The following SLC35F3 variants were observed in gnomAD, a reference collection of about 807,000 sequenced individuals.
The protein encoded by SLC35F3 is solute carrier family 35 member F3.
A neutral mutation model predicts 49.9 loss-of-function variants in SLC35F3; 25 were observed. That is an observed-to-expected ratio of 0.50 (90% CI 0.37 to 0.70). SLC35F3 has a LOEUF of 0.70. SLC35F3 is among the 30% of genes least tolerant of loss of function. The probability of loss-of-function intolerance (pLI) is 0.00; values close to 1 mark genes in which losing one functional copy is unlikely to be tolerated. For synonymous variants in SLC35F3, 275 were observed against 265.4 expected (o/e 1.04, Z -0.35); for missense variants, 525 against 639.8 (o/e 0.82, Z 1.94).
chr1:234,242,511 C>T (rs1667569244), intron 3 of SLC35F3, among the ~76,000 whole-genome samples: 1 of 152,202 alleles, frequency 6.6e-6, no homozygotes, highest in South Asian at 2.1e-4. Flanking sequence ...GGCCACACCT[C>T]ATACTGTCTA....
At chr1:234,146,794 A>T (rs543111814) in intron 2 of SLC35F3, among the ~76,000 whole-genome samples, 1 of 152,236 alleles carries the variant, frequency 6.6e-6, no homozygotes, top group African/African-American at 2.4e-5. Context: ...GATTACAGGC[A>T]TGAGCCACCG....
intron 3 of SLC35F3, among the ~76,000 whole-genome samples, chr1:234,277,521 C>T (rs1302610589): frequency 6.6e-6 from 1 of 152,196 alleles, no homozygotes; most frequent in Non-Finnish European, 1.5e-5. Flanking sequence ...AAAACGTTTT[C>T]TACATTTCTG....
chr1:234,219,182 G>A (rs1219663960), intron 2 of SLC35F3, among the ~76,000 whole-genome samples: 2 of 152,020 alleles, frequency 1.3e-5, no homozygotes, highest in Non-Finnish European at 2.9e-5. Flanking sequence ...TCCTTTGGGA[G>A]TGTTGGGTGA....
Position 234,066,734 on chromosome 1 carries a change from CCTTTCTCTCT to C in SLC35F3, c.283+160986_283+160995del, listed in dbSNP as rs1476765139. On this transcript the variant is annotated intron_variant, in intron 2 of 7. Coordinates refer to ENST00000366618, the MANE Select transcript of SLC35F3 (RefSeq NM_173508.4). ...GTCTCTCTCTCTCTTTCCCTCCCTC[CCTTTCTCTCT>C]CTTTCTCTCCCTCTCTCTCTCTTTC... Among the ~76,000 whole-genome samples the C allele has an allele frequency of 2.0e-5, 3 of 150,626 alleles. No homozygotes were observed. In the South Asian group the frequency reaches 6.3e-4, roughly 32 times the overall value.
chr1:234,248,331 GCTGGTCCATTGT>G (rs1459746473), intron 3 of SLC35F3, among the ~76,000 whole-genome samples: 1 of 142,628 alleles, frequency 7.0e-6, no homozygotes, highest in Non-Finnish European at 1.5e-5. Context: ...GGGTTGGTTG[GCTGGTCCATTGT>G]TTGATGGGTC....
At chr1:234,158,367 A>C (rs889801421) in intron 2 of SLC35F3, among the ~76,000 whole-genome samples, 2 of 152,234 alleles carry the variant, frequency 1.3e-5, no homozygotes, top group Non-Finnish European at 2.9e-5. Flanking sequence ...TTACCCCAAC[A>C]ATGGGATAGT....
At chr1:234,204,795 C>A (rs1230803464) in intron 2 of SLC35F3, among the ~76,000 whole-genome samples, 1 of 152,202 alleles carries the variant, frequency 6.6e-6, no homozygotes, top group Non-Finnish European at 1.5e-5. Context: ...CACCTCTACA[C>A]CTCATCTCTT....
At chr1:234,138,920 T>C (rs1665847907) in intron 2 of SLC35F3, among the ~76,000 whole-genome samples, 2 of 152,222 alleles carry the variant, frequency 1.3e-5, no homozygotes. Context: ...CAAATCCTAC[T>C]CTTCTCCGTC....
At chr1:234,173,591 C>A (rs56008227) in intron 2 of SLC35F3, among the ~76,000 whole-genome samples, 4,555 of 152,316 alleles carry the variant, frequency 0.03, 220 homozygotes, top group African/African-American at 0.1. Context: ...AGCAAAAGCA[C>A]TGGCTAAGCA....
intron 2 of SLC35F3, among the ~76,000 whole-genome samples, chr1:233,912,999 A>G (rs1661907700): frequency 6.6e-6 from 1 of 152,222 alleles, no homozygotes; most frequent in Non-Finnish European, 1.5e-5. Context: ...GAGATTAGTG[A>G]TGGCAGACAC....
At chr1:234,190,826 T>G (rs1666719059) in intron 2 of SLC35F3, among the ~76,000 whole-genome samples, 2 of 152,176 alleles carry the variant, frequency 1.3e-5, no homozygotes. Flanking sequence ...ATTGCAGCAA[T>G]TATTACTGTT....
At chr1:234,265,947 C>T (rs553001072) in intron 3 of SLC35F3, among the ~76,000 whole-genome samples, 1 of 152,310 alleles carries the variant, frequency 6.6e-6, no homozygotes, top group African/African-American at 2.4e-5. Flanking sequence ...GCAGGCCTCA[C>T]CCTCTTACTC....
Position 233,918,062 on chromosome 1 carries a change from C to G in SLC35F3, c.283+12304C>G, listed in dbSNP as rs146067496. Among the ~76,000 whole-genome samples, 1,039 of 152,328 alleles carry G rather than the reference C, an allele frequency of 6.8e-3. 13 individuals are homozygous for G. Among genetic ancestry groups the G allele is most frequent in the Middle Eastern group, 0.031 (9 of 294 alleles). Reference sequence around the variant, plus strand: ...TTAAAGGATTATCCTTCCTGCTCCTCTCTTCCTGACTTGCTTGCTTCTGAT... The same window carrying G: ...TTAAAGGATTATCCTTCCTGCTCCTGTCTTCCTGACTTGCTTGCTTCTGAT... On this transcript the variant is annotated intron_variant, in intron 2 of 7. Transcript: ENST00000366618.
intron 2 of SLC35F3, among the ~76,000 whole-genome samples, chr1:234,111,757 G>T (rs112880560): frequency 3.9e-5 from 6 of 152,204 alleles, no homozygotes; most frequent in Non-Finnish European, 1.5e-5. Flanking sequence ...CCAGGACAGC[G>T]GCCTCAGAGC....
At chr1:234,128,305 G>C (rs1437279164) in intron 2 of SLC35F3, among the ~76,000 whole-genome samples, 1 of 152,186 alleles carries the variant, frequency 6.6e-6, no homozygotes, top group Non-Finnish European at 1.5e-5. Flanking sequence ...ACCCTCTGCT[G>C]TCTCTGCATC....
At chr1:233,970,559 T>G (rs1025867946) in intron 2 of SLC35F3, among the ~76,000 whole-genome samples, 3 of 152,228 alleles carry the variant, frequency 2.0e-5, no homozygotes, top group Non-Finnish European at 4.4e-5. Flanking sequence ...ATTCACTTGC[T>G]GAAGTCCTAA....
intron 2 of SLC35F3, among the ~76,000 whole-genome samples, chr1:234,037,592 A>T (rs892393833): frequency 6.6e-6 from 1 of 152,258 alleles, no homozygotes; most frequent in African/African-American, 2.4e-5. Flanking sequence ...ACAACTAAAT[A>T]AGTGGATGGA....
At chr1:234,261,994 C>T (rs1458708117) in intron 3 of SLC35F3, 1 of 152,234 alleles carries the variant, frequency 6.6e-6, no homozygotes, top group Non-Finnish European at 1.5e-5. Context: ...TCCCCAGCCT[C>T]TAAGGCTCAC....
chr1:234,159,449 T>C (rs1407963668), intron 2 of SLC35F3, among the ~76,000 whole-genome samples: 1 of 151,886 alleles, frequency 6.6e-6, no homozygotes, highest in Non-Finnish European at 1.5e-5. Context: ...TGGTGGCAGG[T>C]GCCTATAATC....
Sources: gnomAD v4.1 joint callset for allele counts (sites outside exome capture counted in the v4.1 genomes callset) on GRCh38, gnomAD v4.1.1 for gene constraint, MANE v1.5 for transcripts, NCBI Gene and HGNC (gene_info 2026-07-23, HGNC 2026-07-21) for gene names.